Variants in MCF2 observed in about 807,000 individuals in gnomAD.
MCF2 encodes proto-oncogene DBL.
In MCF2, 44 loss-of-function variants were observed where a neutral mutation model predicts 82.5. The observed-to-expected ratio is 0.53, with a 90% confidence interval of 0.42 to 0.69. The LOEUF is 0.69. Ranked by LOEUF, MCF2 falls within the 30% of genes least tolerant of loss-of-function variation. The probability of loss-of-function intolerance (pLI) is 0.00; values close to 1 mark genes in which losing one functional copy is unlikely to be tolerated. For missense variants in MCF2, 623 were observed against 663.1 expected (o/e 0.94, Z 0.66); for synonymous variants, 217 against 224.9 (o/e 0.96, Z 0.32).
At chrX:139,667,126 A>T (rs763976356) in intron 1 of MCF2, among the ~76,000 whole-genome samples, 19 of 107,353 alleles carry the variant, frequency 1.8e-4, no homozygotes, top group African/African-American at 4.4e-4. Context: ...TGTTTTTCTG[A>T]CTTCTTTGTA....
At chrX:139,596,854 G>T (rs1028340342) in intron 18 of MCF2, 84 bp from the exon 23 acceptor site, 1 of 633,168 alleles carries the variant, frequency 1.6e-6, no homozygotes, top group African/African-American at 2.2e-5. Flanking sequence ...TTCAGCTTAA[G>T]CTACTCAAAC....
intron 1 of MCF2, 50 bp from the exon 2 acceptor site, chrX:139,651,838 T>C (rs1158938806): frequency 1.3e-6 from 1 of 756,883 alleles, no homozygotes; most frequent in African/African-American, 2.1e-5. Flanking sequence ...AGGTACAGCC[T>C]TACATGATTT....
At chrX:139,589,234 T>C (rs1179106348) in intron 20 of MCF2, among the ~76,000 whole-genome samples, 3 of 111,808 alleles carry the variant, frequency 2.7e-5, no homozygotes, top group Non-Finnish European at 5.6e-5. Flanking sequence ...AGAAAACATA[T>C]TTTTATAGAT....
intron 1 of MCF2, among the ~76,000 whole-genome samples, chrX:139,635,606 G>A (rs891698665): frequency 9.0e-6 from 1 of 110,833 alleles, no homozygotes; most frequent in Non-Finnish European, 1.9e-5. Flanking sequence ...GTGGTGATCT[G>A]AGATTATGCC....
chrX:139,674,514 C>A (rs1384476549), intron 1 of MCF2, among the ~76,000 whole-genome samples: 2 of 111,717 alleles, frequency 1.8e-5, no homozygotes, highest in Admixed American at 1.9e-4. Context: ...GTAAGGCAGG[C>A]CTGGTGGTGA....
chrX:139,604,790 G>A (rs767468269), intron 14 of MCF2, 40 bp from the exon 19 acceptor site: 22 of 1,105,458 alleles, frequency 2.0e-5, no homozygotes, highest in Admixed American at 7.2e-5. Context: ...ATGATTTTAT[G>A]TGAAATATAA....
intron 6 of MCF2, among the ~76,000 whole-genome samples, chrX:139,622,837 G>A (rs1242415806): frequency 2.7e-5 from 3 of 109,360 alleles, no homozygotes; most frequent in East Asian, 5.8e-4. Context: ...CATATGTAAC[G>A]AACCTGCACA....
At chrX:139,675,176 TGTTTATTCTAGTTCGCCATTC>T (rs1934828762) in intron 1 of MCF2, among the ~76,000 whole-genome samples, 1 of 111,658 alleles carries the variant, frequency 9.0e-6, no homozygotes, top group African/African-American at 3.3e-5. Context: ...GTCAGGTCAC[TGTTTATTCTAGTTCGCCATTC>T]GTCTAATCTT....
At chrX:139,595,816 A>G (rs1930037043) in intron 19 of MCF2, among the ~76,000 whole-genome samples, 1 of 111,499 alleles carries the variant, frequency 9.0e-6, no homozygotes, top group Admixed American at 9.5e-5. Context: ...AAATTTGTCA[A>G]TTATGGGTCT....
Position 139,598,389 on chromosome X carries a change from A to G in MCF2, c.1929+17T>C, listed in dbSNP as rs1177548756. On this transcript the variant is annotated intron_variant, in intron 17 of 24. Transcript: ENST00000370576. The stretch of plus-strand genomic sequence containing the variant: ...ACTCAAAAAGTAAAGAAACAAACAA[A>G]TGCTTCATATAATTACCTTCAACAA... 9.7e-7 allele frequency: 1 copy of G among 1,035,733 alleles called. No individual in the cohort carries two copies. The highest frequency in any genetic ancestry group is 1.3e-6 in the Non-Finnish European group (1 of 745,400). The allele number at this position is 1,035,733 out of a possible 1,213,427, so 85.4% of individuals were successfully genotyped here. A position where few individuals can be genotyped will look rare whatever the true frequency, so the allele number is the denominator to read the frequency against.
At chrX:139,589,214 A>C (rs1929272311) in intron 20 of MCF2, among the ~76,000 whole-genome samples, 1 of 111,981 alleles carries the variant, frequency 8.9e-6, no homozygotes, top group African/African-American at 3.2e-5. Flanking sequence ...ATTATATCTT[A>C]AGCAAGCCAA....
chrX:139,696,906 T>C (rs941770076), intron 1 of MCF2, among the ~76,000 whole-genome samples: 1 of 112,432 alleles, frequency 8.9e-6, no homozygotes, highest in East Asian at 2.8e-4. Flanking sequence ...ACAATTTATA[T>C]AAATTACTTA....
chrX:139,596,521 C>T, intron 19 of MCF2, 28 bp downstream of exon 23: 2 of 1,115,902 alleles, frequency 1.8e-6, no homozygotes, highest in Non-Finnish European at 2.5e-6. Context: ...CGAAACAATA[C>T]TACATTACCC....
intron 16 of MCF2, among the ~76,000 whole-genome samples, chrX:139,599,005 TA>T (rs1388859170): frequency 9.1e-6 from 1 of 109,877 alleles, no homozygotes; most frequent in African/African-American, 3.3e-5. Context: ...ACTATAAATA[TA>T]AGGGTCATGA....
intron 19 of MCF2, among the ~76,000 whole-genome samples, chrX:139,591,781 T>C (rs1224971363): frequency 9.1e-6 from 1 of 109,648 alleles, no homozygotes; most frequent in Non-Finnish European, 1.9e-5. Context: ...AAACTAACTC[T>C]TGGGGACAAT....
rs769967212 is a variant in MCF2 at position 139,693,698 on chromosome X, C to T, written c.-45+14408G>A. On this transcript the variant is annotated intron_variant, in intron 1 of 27. Coordinates refer to the MCF2 transcript ENST00000414978. Reference sequence around the variant, plus strand: ...TAGAGGAGCAAATAGTTAAAATTTCCGCACTACTGTGGGTAGTATGACATT... The same window carrying T: ...TAGAGGAGCAAATAGTTAAAATTTCTGCACTACTGTGGGTAGTATGACATT... Among the ~76,000 whole-genome samples, 31 of 111,723 alleles carry T rather than the reference C, an allele frequency of 2.8e-4. No individual in the cohort carries two copies. In the South Asian group the frequency reaches 5.3e-3, roughly 19 times the overall value.
At chrX:139,590,893 T>C (rs1929460419) in intron 19 of MCF2, among the ~76,000 whole-genome samples, 2 of 110,617 alleles carry the variant, frequency 1.8e-5, no homozygotes, top group South Asian at 7.7e-4. Context: ...CATAACATAT[T>C]AATGAAAGAA....
chrX:139,663,884 A>G lies in MCF2; in HGVS notation c.-44-12096T>C, dbSNP rs768140598. Among the ~76,000 whole-genome samples the G allele has an allele frequency of 5.4e-5, 6 of 110,273 alleles. No homozygotes were observed. The East Asian group carries it at 1.7e-3, about 31-fold the overall frequency. On this transcript the variant is annotated intron_variant, in intron 1 of 27. Coordinates refer to the MCF2 transcript ENST00000414978. ...ATATATATTTAGAATTGTTATATCCACTTGCTGGATTGACCAATTAATTAT... is the reference window on the plus strand; with the variant it reads ...ATATATATTTAGAATTGTTATATCCGCTTGCTGGATTGACCAATTAATTAT...
intron 1 of MCF2, among the ~76,000 whole-genome samples, chrX:139,684,852 C>T (rs890997632): frequency 4.5e-5 from 5 of 111,702 alleles, no homozygotes; most frequent in African/African-American, 1.3e-4. Flanking sequence ...TGACTGCTAA[C>T]GAGTATGGGG....
Sources: gnomAD v4.1 joint callset for allele counts (sites outside exome capture counted in the v4.1 genomes callset) on GRCh38, gnomAD v4.1.1 for gene constraint, MANE v1.5 for transcripts, NCBI Gene and HGNC (gene_info 2026-07-23, HGNC 2026-07-21) for gene names.